MPP4: variants seen among roughly 807,000 people sequenced by gnomAD.
MPP4 encodes MAGUK p55 subfamily member 4.
In MPP4, 91 loss-of-function variants were observed where a neutral mutation model predicts 98.3. That is an observed-to-expected ratio of 0.93 (90% CI 0.78 to 1.10). The LOEUF is 1.10. MPP4 is among the 50% of genes least tolerant of loss of function. The probability of loss-of-function intolerance (pLI) is 0.00; values close to 1 mark genes in which losing one functional copy is unlikely to be tolerated. For missense variants in MPP4, 744 were observed against 792.9 expected, an observed-to-expected ratio of 0.94 and a Z score of 0.74; for synonymous variants, 261 against 271.8, an observed-to-expected ratio of 0.96 and a Z score of 0.39.
intron 7 of MPP4, 92 bp downstream of exon 7, chr2:201,684,972 A>AT: frequency 1.9e-6 from 2 of 1,037,514 alleles, no homozygotes; most frequent in Non-Finnish European, 1.4e-6. Flanking sequence ...AAAAAAAAAA[A>AT]GAAAAAAAAG....
chr2:201,697,333 C>T (rs1255862831), intron 1 of MPP4, among the ~76,000 whole-genome samples: 2 of 152,208 alleles, frequency 1.3e-5, no homozygotes, highest in African/African-American at 4.8e-5. Flanking sequence ...ATGATTTTCC[C>T]TCCCTCCAGG....
rs780758453 is a variant in MPP4, at chr2:201,680,703, T to C, written c.929+135A>G. On this transcript the variant is annotated intron_variant, in intron 10 of 21. Transcript: ENST00000409474. ...GTTTATCGATAAGTTGACATTTGGATTTATAAACCAGTGTGTGTGTGTTCA... is the reference window on the plus strand; with the variant it reads ...GTTTATCGATAAGTTGACATTTGGACTTATAAACCAGTGTGTGTGTGTTCA... 13 of 736,464 alleles carry C rather than the reference T, an allele frequency of 1.8e-5. No homozygotes were observed. The Admixed American group carries it at 3.5e-4, about 20-fold the overall frequency. 45.6% of individuals were successfully genotyped at this position (736,464 alleles called of 1,614,324 possible).
At chr2:201,670,287 G>T (rs1196731745) in intron 11 of MPP4, among the ~76,000 whole-genome samples, 1 of 152,114 alleles carries the variant, frequency 6.6e-6, no homozygotes, top group Admixed American at 6.5e-5. Flanking sequence ...TTTTTGGGGG[G>T]AGGAGGGTAT....
chr2:201,650,808 G>A, intron 18 of MPP4: 8 of 985,376 alleles, frequency 8.1e-6, no homozygotes, highest in Non-Finnish European at 9.6e-6. Context: ...ATTCGTTTTA[G>A]GGATCTCTAG....
chr2:201,675,015 C>T (rs930294764), intron 11 of MPP4, 192 bp downstream of exon 11: 5 of 712,562 alleles, frequency 7.0e-6, no homozygotes, highest in South Asian at 1.5e-5. Context: ...GAATAGCCAC[C>T]ACCCCCACGC....
At chr2:201,684,786 TA>T (rs1370900136) in intron 7 of MPP4, among the ~76,000 whole-genome samples, 2 of 151,346 alleles carry the variant, frequency 1.3e-5, no homozygotes, top group African/African-American at 4.9e-5. Context: ...CCGTCTCTAC[TA>T]AAAATACAAA....
intron 11 of MPP4, among the ~76,000 whole-genome samples, chr2:201,671,241 G>A (rs901359745): frequency 2.6e-5 from 4 of 152,100 alleles, no homozygotes; most frequent in Admixed American, 6.6e-5. Flanking sequence ...CTGGAAAAGG[G>A]GCTGAAGCCA....
chr2:201,654,121 A>G (rs1687790985), intron 18 of MPP4, among the ~76,000 whole-genome samples: 2 of 152,072 alleles, frequency 1.3e-5, no homozygotes, highest in East Asian at 1.9e-4. Flanking sequence ...GATTACAGGC[A>G]TGCAGCACCA....
At chr2:201,694,904 G>A (rs561046284) in intron 1 of MPP4, among the ~76,000 whole-genome samples, 77 of 152,162 alleles carry the variant, frequency 5.1e-4, no homozygotes, top group Non-Finnish European at 8.8e-4. Context: ...GTGAGCCATC[G>A]CACCTGGCCT....
rs140618507 is a variant in MPP4 at position 201,647,645 on chromosome 2, G to A, written c.1719+46C>T. The A allele has an allele frequency of 4.4e-5, 70 of 1,591,776 alleles. No individual in the cohort carries two copies. The African/African-American group carries it at 8.3e-4, about 19-fold the overall frequency. On this transcript the variant is annotated intron_variant, in intron 21 of 21. Coordinates refer to ENST00000409474, the MANE Select transcript of MPP4 (RefSeq NM_033066.3). ...CCAGCCCAACCCAGATCTCTCCCAC[G>A]CAGAAGCCACTGAAAGCAATACAGT...
At chr2:201,665,452 A>G (rs1295641741) in intron 13 of MPP4, 1 of 152,186 alleles carries the variant, frequency 6.6e-6, no homozygotes. Flanking sequence ...AGAAAGAAAA[A>G]TGAGTAGGAG....
At chr2:201,673,603 AAAT>A (rs1301082615) in intron 11 of MPP4, 1 of 183,254 alleles carries the variant, frequency 5.5e-6, no homozygotes, top group Non-Finnish European at 1.1e-5. Context: ...AAGTTTAAAA[AAAT>A]AAAAAGTGGT....
intron 7 of MPP4, among the ~76,000 whole-genome samples, chr2:201,684,446 C>T (rs988137329): frequency 6.6e-6 from 1 of 152,264 alleles, no homozygotes; most frequent in Admixed American, 6.5e-5. Context: ...TCTCTTTGAG[C>T]CTCAGTTTCC....
intron 3 of MPP4, among the ~76,000 whole-genome samples, chr2:201,690,941 C>T (rs1191088790): frequency 6.6e-6 from 1 of 152,222 alleles, no homozygotes; most frequent in Non-Finnish European, 1.5e-5. Context: ...CAATGCACCC[C>T]TTGATCTTAT....
chr2:201,650,253 T>C (rs1687679747), intron 18 of MPP4, 88 bp from the exon 19 acceptor site: 1 of 1,473,210 alleles, frequency 6.8e-7, no homozygotes, highest in East Asian at 2.6e-5. Flanking sequence ...CTAATCAAAA[T>C]AAATAAATGA....
rs1395566655 is a variant in MPP4, at chr2:201,647,689, A to T, written c.1719+2T>A. On this transcript the variant is annotated splice_donor_variant, in intron 21 of 21. Transcript: ENST00000409474. LOFTEE classifies it high-confidence loss of function. ...ATACAGTAGTTTTTGACTTGCTCTT[A>T]CCTTGAACTTCATGTCCACATAGTA... 6.2e-7 allele frequency: 1 copy of T among 1,613,138 alleles called. No individual in the cohort carries two copies. Among genetic ancestry groups the T allele is most frequent in the Non-Finnish European group, 8.5e-7 (1 of 1,179,260 alleles).
chr2:201,662,091 A>G (rs1049130402), intron 14 of MPP4: 1 of 386,814 alleles, frequency 2.6e-6, no homozygotes, highest in Non-Finnish European at 5.1e-6. Context: ...TTCTTTTTTT[A>G]TAACTAATAT....
rs140153534 is a variant in MPP4, at chr2:201,687,168, G to C, written c.360+123C>G. The C allele has an allele frequency of 6.2e-4, 494 of 792,916 alleles. 3 individuals carry two copies. The African/African-American group carries it at 6.5e-3, about 11-fold the overall frequency. The allele number at this position is 792,916 out of a possible 1,614,324, so 49.1% of individuals were successfully genotyped here. On this transcript the variant is annotated intron_variant, in intron 5 of 21. Coordinates refer to ENST00000409474, the MANE Select transcript of MPP4 (RefSeq NM_033066.3). ...ATATTTAAGTACAATCTGTTGGTCAGTAACCGTGTACAGTAATAGAACATC... is the reference window on the plus strand; with the variant it reads ...ATATTTAAGTACAATCTGTTGGTCACTAACCGTGTACAGTAATAGAACATC...
At chr2:201,649,542 G>T in intron 20 of MPP4, 34 bp downstream of exon 20, 2 of 1,472,462 alleles carry the variant, frequency 1.4e-6, no homozygotes, top group Non-Finnish European at 1.9e-6. Flanking sequence ...CGCATTCATT[G>T]TTTGGGGACA....
Sources: allele counts gnomAD v4.1 joint callset (sites outside exome capture counted in the v4.1 genomes callset), GRCh38; gene constraint gnomAD v4.1.1; transcripts MANE v1.5; gene names NCBI Gene and HGNC (gene_info 2026-07-23, HGNC 2026-07-21).